SCN9A: variants seen among roughly 807,000 people sequenced by gnomAD.
The protein encoded by SCN9A is sodium voltage-gated channel alpha subunit 9, also known as sodium channel protein type 9 subunit alpha.
A neutral mutation model predicts 187.0 loss-of-function variants in SCN9A; 131 were observed. The ratio of observed to expected loss-of-function variants is 0.70; its 90% CI spans 0.61 to 0.81. The LOEUF is 0.81. SCN9A is among the 30% of genes least tolerant of loss of function. The pLI, the probability that SCN9A is intolerant of heterozygous loss-of-function variation, is 0.00. For missense variants in SCN9A, 2,252 were observed against 2,396.6 expected, an observed-to-expected ratio of 0.94 and a Z score of 1.26; for synonymous variants, 809 against 808.6, an observed-to-expected ratio of 1.00 and a Z score of -0.01.
chr2:166,246,022 GTTTCCCTCTCCCCC>G (rs900911180), intron 18 of SCN9A, among the ~76,000 whole-genome samples: 12 of 151,938 alleles, frequency 7.9e-5, no homozygotes, highest in Non-Finnish European at 1.5e-4. Flanking sequence ...CAAACAAGGT[GTTTCCCTCTCCCCC>G]TATGTCTCTG....
At chr2:166,307,514 T>C (rs1357794600) in intron 2 of SCN9A, among the ~76,000 whole-genome samples, 1 of 152,220 alleles carries the variant, frequency 6.6e-6, no homozygotes, top group Non-Finnish European at 1.5e-5. Flanking sequence ...TTGTTATGGT[T>C]AGCAGCACAT....
chr2:166,317,231 T>G (rs1699131210), intron 1 of SCN9A, among the ~76,000 whole-genome samples: 1 of 151,886 alleles, frequency 6.6e-6, no homozygotes, highest in Non-Finnish European at 1.5e-5. Flanking sequence ...AAATATACTT[T>G]GAAAAAAATC....
At chr2:166,226,019 C>T (rs1032909118) in intron 24 of SCN9A, among the ~76,000 whole-genome samples, 1 of 152,180 alleles carries the variant, frequency 6.6e-6, no homozygotes, top group Non-Finnish European at 1.5e-5. Context: ...GTCAAAGAAA[C>T]TAATACAGTT....
intron 1 of SCN9A, among the ~76,000 whole-genome samples, chr2:166,357,589 G>A (rs554081720): frequency 6.6e-6 from 1 of 152,146 alleles, no homozygotes; most frequent in South Asian, 2.1e-4. Context: ...AGCCATAAAA[G>A]GACAAAAAGG....
chr2:166,332,536 A>G (rs1699529784), intron 1 of SCN9A, among the ~76,000 whole-genome samples: 1 of 152,202 alleles, frequency 6.6e-6, no homozygotes, highest in South Asian at 2.1e-4. Context: ...TTGAAAATTA[A>G]TCACTTGACC....
Position 166,238,253 on chromosome 2 carries a change from A to G in SCN9A, c.3642T>C (p.Ile1214=). The change falls in exon 20 of 27, where the codon ATT becomes ATC. Residue 1214 remains isoleucine, a synonymous_variant. Coordinates refer to ENST00000642356, the MANE Select transcript of SCN9A (RefSeq NM_001365536.1). ...LSSGALAFED[I]YIERKKTIKI... is the part of the protein sequence containing the mutation. ...TAATGGTCTTTTTCCTTTCAATATAAATATCTTCAAAAGCCTGTGGAAATA... is the reference window on the plus strand; with the variant it reads ...TAATGGTCTTTTTCCTTTCAATATAGATATCTTCAAAAGCCTGTGGAAATA... 6.4e-7 allele frequency: 1 copy of G among 1,568,788 alleles called. No homozygotes were observed. Among genetic ancestry groups the G allele is most frequent in the Non-Finnish European group, 8.6e-7 (1 of 1,157,160 alleles).
intron 24 of SCN9A, among the ~76,000 whole-genome samples, chr2:166,216,599 C>T (rs1286048812): frequency 6.6e-6 from 1 of 151,550 alleles, no homozygotes; most frequent in Non-Finnish European, 1.5e-5. Context: ...ATGAGGTATC[C>T]AACAAAGAAA....
At chr2:166,242,056 A>G (rs1434881469) in intron 19 of SCN9A, among the ~76,000 whole-genome samples, 3 of 152,180 alleles carry the variant, frequency 2.0e-5, no homozygotes, top group African/African-American at 7.2e-5. Flanking sequence ...TAATTGTGCC[A>G]ACGACTGTTG....
rs537202153 is a variant in SCN9A at position 166,274,350 on chromosome 2, T to G, written c.2875-1475A>C. Among the ~76,000 whole-genome samples, 4 of 152,296 alleles carry G rather than the reference T, an allele frequency of 2.6e-5. No homozygotes were observed. The East Asian group carries it at 7.7e-4, about 29-fold the overall frequency. ...GAAGAAATATTAATAAAATGTATAC[T>G]TGATTCAAAGTCTCATTTTGATTAA... On this transcript the variant is annotated intron_variant, in intron 16 of 26. Coordinates refer to ENST00000642356, the MANE Select transcript of SCN9A (RefSeq NM_001365536.1).
intron 17 of SCN9A, among the ~76,000 whole-genome samples, chr2:166,254,283 A>G (rs1240168183): frequency 2.6e-5 from 4 of 151,550 alleles, no homozygotes; most frequent in Non-Finnish European, 5.9e-5. Flanking sequence ...TTAGACATTC[A>G]ATGTTTTCTT....
chr2:166,350,301 CTT>C (rs1700004259), intron 1 of SCN9A, among the ~76,000 whole-genome samples: 1 of 152,182 alleles, frequency 6.6e-6, no homozygotes, highest in Admixed American at 6.5e-5. Flanking sequence ...CATTTTCATT[CTT>C]GTCTGGGCAT....
chr2:166,295,130 T>G (rs1006513850), intron 7 of SCN9A, among the ~76,000 whole-genome samples: 11 of 152,208 alleles, frequency 7.2e-5, no homozygotes, highest in African/African-American at 2.6e-4. Flanking sequence ...TGAAGAGATA[T>G]TTGGGCTGGG....
intron 18 of SCN9A, among the ~76,000 whole-genome samples, chr2:166,250,820 G>T (rs1696001895): frequency 6.6e-6 from 1 of 152,076 alleles, no homozygotes; most frequent in Admixed American, 6.6e-5. Flanking sequence ...ATTTTAGTGT[G>T]CATGCAAATC....
intron 1 of SCN9A, among the ~76,000 whole-genome samples, chr2:166,353,736 T>C (rs564870320): frequency 6.6e-6 from 1 of 152,250 alleles, no homozygotes; most frequent in East Asian, 1.9e-4. Flanking sequence ...CTCCCATATC[T>C]CCAGTCTGCT....
At chr2:166,333,743 T>C (rs192363212) in intron 1 of SCN9A, among the ~76,000 whole-genome samples, 1 of 152,198 alleles carries the variant, frequency 6.6e-6, no homozygotes, top group African/African-American at 2.4e-5. Context: ...TATTCCCTTC[T>C]TTGAGTGCAT....
chr2:166,212,629 G>T (rs1441501541), intron 24 of SCN9A, among the ~76,000 whole-genome samples: 2 of 152,164 alleles, frequency 1.3e-5, no homozygotes, highest in African/African-American at 4.8e-5. Context: ...CAACGCTATA[G>T]ACCAAATGGA....
In SCN9A at chr2:166,196,433, T is replaced by C. The variant is rs200183438; in HGVS notation, c.*2239A>G. On this transcript the variant is annotated 3_prime_UTR_variant, in exon 27 of 27. Transcript: ENST00000642356. ...TATTTTTGAAATGCTAAGAAGAAATTGTGTTGTTAACAAACCAGTTGCCCA... is the reference window on the plus strand; with the variant it reads ...TATTTTTGAAATGCTAAGAAGAAATCGTGTTGTTAACAAACCAGTTGCCCA... 2 of 152,148 alleles carry C rather than the reference T, an allele frequency of 1.3e-5. No individual in the cohort carries two copies. The highest frequency in any genetic ancestry group is 2.9e-5 in the Non-Finnish European group (2 of 68,012). The allele number at this position is 152,148 out of a possible 1,614,324, so 9.4% of individuals were successfully genotyped here.
chr2:166,281,953 G>T (rs755617227), intron 12 of SCN9A, 145 bp from the exon 13 acceptor site: 42 of 635,250 alleles, frequency 6.6e-5, no homozygotes, highest in Non-Finnish European at 9.2e-5. Context: ...GCTACTTACT[G>T]GCTGTATATC....
chr2:166,281,649 T>C (rs200407142), intron 13 of SCN9A, 30 bp downstream of exon 13: 9 of 1,595,848 alleles, frequency 5.6e-6, no homozygotes, highest in Non-Finnish European at 4.3e-6. Flanking sequence ...TATTTAAGAA[T>C]CTGTACAGTA....
Sources: gnomAD v4.1 joint callset for allele counts (sites outside exome capture counted in the v4.1 genomes callset) on GRCh38, gnomAD v4.1.1 for gene constraint, MANE v1.5 for transcripts, NCBI Gene and HGNC (gene_info 2026-07-23, HGNC 2026-07-21) for gene names.